Variants in PDC observed in about 807,000 individuals in gnomAD.
PDC encodes the protein phosducin.
A neutral mutation model predicts 22.2 loss-of-function variants in PDC; 19 were observed. The ratio of observed to expected loss-of-function variants is 0.86; its 90% CI spans 0.60 to 1.26. The LOEUF (loss-of-function observed/expected upper bound fraction) is 1.26. Among genes scored for constraint, PDC ranks in the 50% most tolerant of loss-of-function variants. The pLI is 0.00. For missense variants in PDC, 274 were observed against 286.8 expected (o/e 0.96, Z 0.32); for synonymous variants, 97 against 96.2 (o/e 1.01, Z -0.05).
chr1:186,444,393 A>G lies in PDC; in HGVS notation c.327T>C (p.Pro109=). The G allele has an allele frequency of 6.2e-7, 1 of 1,614,088 alleles. No individual in the cohort carries two copies. The highest frequency in any genetic ancestry group is 1.6e-4 in the Middle Eastern group (1 of 6,062). The change falls in exon 4 of 4, where the codon CCT becomes CCC. Residue 109 remains proline, a synonymous_variant. Transcript: ENST00000391997. The part of the protein sequence containing the change: ...QDMHQKLSFG[P]RYGFVYELET... Reference sequence around the variant, plus strand: ...CCAGCTCATACACAAACCCATATCTAGGCCCAAAACTCAGCTTCTGGTGCA... The same window carrying G: ...CCAGCTCATACACAAACCCATATCTGGGCCCAAAACTCAGCTTCTGGTGCA...
rs1038406904 is a variant in PDC, at chr1:186,459,200, T to G, written c.-25+1859A>C. On this transcript the variant is annotated intron_variant, in intron 1 of 3. Transcript: ENST00000391997. ...AAGAAAAAGAAAGCCTGGGGATATTTACCAGGACCCTTCCTCCTTTTCAGG... is the reference window on the plus strand; with the variant it reads ...AAGAAAAAGAAAGCCTGGGGATATTGACCAGGACCCTTCCTCCTTTTCAGG... Among the ~76,000 whole-genome samples, 12 of 152,196 alleles carry G rather than the reference T, an allele frequency of 7.9e-5. 2 individuals carry two copies. Among genetic ancestry groups the G allele is most frequent in the Admixed American group, 6.5e-4 (10 of 15,278 alleles).
chr1:186,455,203 G>A (rs922694372), intron 1 of PDC, among the ~76,000 whole-genome samples: 1 of 152,166 alleles, frequency 6.6e-6, no homozygotes, highest in African/African-American at 2.4e-5. Context: ...GCTTGCAGAT[G>A]GCTGCCTTCT....
chr1:186,446,143 T>A (rs1662223006), intron 3 of PDC, among the ~76,000 whole-genome samples: 1 of 152,204 alleles, frequency 6.6e-6, no homozygotes, highest in Non-Finnish European at 1.5e-5. Context: ...GTGGAGCAGG[T>A]TTGTTACAAT....
At chr1:186,446,625 G>C (rs1662234095) in intron 2 of PDC, 48 bp from the exon 3 acceptor site, 1 of 1,162,184 alleles carries the variant, frequency 8.6e-7, no homozygotes, top group South Asian at 1.6e-5. Flanking sequence ...TTTTCAAAAG[G>C]ACTGTTGGCA....
At chr1:186,456,401 G>T (rs1249929460) in intron 1 of PDC, among the ~76,000 whole-genome samples, 1 of 152,118 alleles carries the variant, frequency 6.6e-6, no homozygotes, top group South Asian at 2.1e-4. Context: ...TCAAGTAAAT[G>T]TATCCTTATT....
intron 2 of PDC, among the ~76,000 whole-genome samples, chr1:186,447,274 G>A (rs1662253022): frequency 6.6e-6 from 1 of 151,712 alleles, no homozygotes; most frequent in South Asian, 2.1e-4. Context: ...TCAGTCTCCC[G>A]AGTAGCTGGG....
intron 1 of PDC, among the ~76,000 whole-genome samples, chr1:186,450,773 C>A (rs549281626): frequency 2.0e-5 from 3 of 152,180 alleles, no homozygotes; most frequent in African/African-American, 7.2e-5. Context: ...AATCTATTTC[C>A]TTTTTTAGCT....
intron 1 of PDC, among the ~76,000 whole-genome samples, chr1:186,453,362 A>C (rs1053616238): frequency 3.3e-5 from 5 of 152,320 alleles, no homozygotes; most frequent in African/African-American, 4.8e-5. Context: ...TTAAAAAAAC[A>C]AATCTACCCC....
At chr1:186,453,544 G>C (rs1028694388) in intron 1 of PDC, among the ~76,000 whole-genome samples, 11 of 152,116 alleles carry the variant, frequency 7.2e-5, no homozygotes, top group African/African-American at 2.7e-4. Flanking sequence ...TTTTCAAATA[G>C]TTGGGATTAT....
chr1:186,459,750 GTGTATATATA>G (rs1177561017), intron 1 of PDC, among the ~76,000 whole-genome samples: 2,761 of 68,580 alleles, frequency 0.04, 90 homozygotes, highest in African/African-American at 0.12. Context: ...ATGTGTGTGT[GTGTATATATA>G]TATATATATA....
At chr1:186,452,144 A>G (rs1662366134) in intron 1 of PDC, among the ~76,000 whole-genome samples, 1 of 152,248 alleles carries the variant, frequency 6.6e-6, no homozygotes, top group African/African-American at 2.4e-5. Flanking sequence ...CTACCTTCCT[A>G]TTAATTTATC....
chr1:186,458,770 C>T (rs1662520657), intron 1 of PDC, among the ~76,000 whole-genome samples: 1 of 152,126 alleles, frequency 6.6e-6, no homozygotes, highest in South Asian at 2.1e-4. Flanking sequence ...GGCCAGTCTC[C>T]TGGAATATGA....
At chr1:186,448,203 A>G (rs1007779772) in intron 2 of PDC, among the ~76,000 whole-genome samples, 2 of 152,186 alleles carry the variant, frequency 1.3e-5, no homozygotes, top group African/African-American at 4.8e-5. Flanking sequence ...TACATTACTA[A>G]TTTTGATATT....
intron 1 of PDC, among the ~76,000 whole-genome samples, chr1:186,455,797 TAAAAAAAAAAA>T (rs71104862): frequency 1.0e-4 from 4 of 39,356 alleles, no homozygotes; most frequent in Non-Finnish European, 1.8e-4. Context: ...CCGTCTCTAC[TAAAAAAAAAAA>T]AAAAAAAAAA....
intron 2 of PDC, 103 bp from the exon 3 acceptor site, chr1:186,446,680 C>T (rs1662236187): frequency 1.6e-6 from 1 of 609,458 alleles, no homozygotes; most frequent in Non-Finnish European, 2.7e-6. Flanking sequence ...AACTTATTGT[C>T]TCCTGCATCA....
At chr1:186,456,004 T>A (rs879688514) in intron 1 of PDC, among the ~76,000 whole-genome samples, 6,086 of 79,476 alleles carry the variant, frequency 0.077, 305 homozygotes, top group East Asian at 0.19. Context: ...AATATATATA[T>A]ATATATATAT....
intron 1 of PDC, among the ~76,000 whole-genome samples, chr1:186,455,673 G>A (rs1274510590): frequency 6.6e-6 from 1 of 151,468 alleles, no homozygotes; most frequent in Non-Finnish European, 1.5e-5. Flanking sequence ...CAAAAATATA[G>A]GCCAGTGGCC....
Position 186,444,970 on chromosome 1 carries a change from G to A in PDC, c.214-464C>T, listed in dbSNP as rs566774644. On this transcript the variant is annotated intron_variant, in intron 3 of 3. Coordinates refer to ENST00000391997, the MANE Select transcript of PDC (RefSeq NM_002597.5). ...TTACTGAATTAGAACCTATAAGAGT[G>A]AGGCTAAGTAATCCATATTTTAACA... Among the ~76,000 whole-genome samples, 288 of 152,204 alleles carry A rather than the reference G, an allele frequency of 1.9e-3. 3 individuals are homozygous for A. Among genetic ancestry groups the A allele is most frequent in the South Asian group, 3.9e-3 (19 of 4,822 alleles).
intron 1 of PDC, among the ~76,000 whole-genome samples, chr1:186,457,459 A>T (rs148851407): frequency 3.3e-4 from 51 of 152,346 alleles, no homozygotes; most frequent in African/African-American, 1.2e-3. Context: ...ATTTGAATGT[A>T]GCATACTTGT....
Sources: allele counts gnomAD v4.1 joint callset (sites outside exome capture counted in the v4.1 genomes callset), GRCh38; gene constraint gnomAD v4.1.1; transcripts MANE v1.5; gene names NCBI Gene and HGNC (gene_info 2026-07-23, HGNC 2026-07-21).